The following USP9X variants were observed in gnomAD, a reference collection of about 807,000 sequenced individuals.
USP9X encodes ubiquitin specific peptidase 9 X-linked.
A neutral mutation model predicts 190.3 loss-of-function variants in USP9X; 7 were observed. The ratio of observed to expected loss-of-function variants is 0.04; its 90% confidence interval spans 0.02 to 0.07. The LOEUF (loss-of-function observed/expected upper bound fraction) is 0.07. Among genes scored for constraint, USP9X ranks in the 10% least tolerant of loss-of-function variants. USP9X has a pLI of 1.00. For missense variants in USP9X, 1,010 were observed against 1,916.9 expected, an observed-to-expected ratio of 0.53 and a Z score of 8.83; for synonymous variants, 645 against 659.5, an observed-to-expected ratio of 0.98 and a Z score of 0.34.
chrX:41,129,617 CCA>C (rs1402116386), intron 3 of USP9X, among the ~76,000 whole-genome samples: 1 of 111,679 alleles, frequency 9.0e-6, no homozygotes, highest in East Asian at 2.8e-4. Flanking sequence ...CCACCCTATC[CCA>C]CCCCACACAC....
chrX:41,168,007 G>A lies in USP9X; in HGVS notation c.2425G>A (p.Val809Met). Residue 809 changes from valine to methionine, a missense_variant and splice_region_variant, in exon 18 of 45, where the codon GTG becomes ATG. By Grantham distance (21) the Val-to-Met change is conservative. This residue lies in a region of USP9X where 104 missense variants were observed against 239.8 expected (regional missense o/e 0.43). Transcript: ENST00000378308. ...TGTTTATTTGGCCTGATATTTGTAGGTGGTGATCCATGAAGACTTCATTCA... is the reference window on the plus strand; with the variant it reads ...TGTTTATTTGGCCTGATATTTGTAGATGGTGATCCATGAAGACTTCATTCA... ...NLGPRLQVNQ[V>M]VIHEDFIQSC... is the part of the protein sequence containing the mutation. 1 of 1,198,043 alleles carries A rather than the reference G, an allele frequency of 8.3e-7. No homozygotes were observed. Among genetic ancestry groups the A allele is most frequent in the Non-Finnish European group, 1.1e-6 (1 of 888,073 alleles).
intron 30 of USP9X, among the ~76,000 whole-genome samples, chrX:41,199,617 T>G (rs767426066): frequency 3.6e-5 from 4 of 110,877 alleles, no homozygotes; most frequent in Admixed American, 9.6e-5. Context: ...TTAGTAGAGA[T>G]AGGGTTTCAC....
chrX:41,189,257 AT>A, intron 25 of USP9X, 51 bp from the exon 26 acceptor site: 1 of 1,160,077 alleles, frequency 8.6e-7, no homozygotes, highest in South Asian at 2.0e-5. Flanking sequence ...GTTGTGTGAG[AT>A]TTTTCTTAAA....
chrX:41,095,513 G>C (rs1436660069), intron 1 of USP9X, among the ~76,000 whole-genome samples: 1 of 112,125 alleles, frequency 8.9e-6, no homozygotes, highest in Non-Finnish European at 1.9e-5. Flanking sequence ...TGTGCCCTGG[G>C]GGCAAAATTG....
In USP9X at chrX:41,197,349, C is replaced by A; in HGVS notation, c.4234-15C>A. Reference sequence around the variant, plus strand: ...GATTTCTTCCCCCCCCCACCCCACCCCCCGCCTTTGGCAGGATGATGTTAA... The same window carrying A: ...GATTTCTTCCCCCCCCCACCCCACCACCCGCCTTTGGCAGGATGATGTTAA... On this transcript the variant is annotated splice_polypyrimidine_tract_variant and intron_variant, in intron 28 of 44. Transcript: ENST00000378308. The A allele has an allele frequency of 1.1e-6, 1 of 900,194 alleles. No individual in the cohort carries two copies. Among genetic ancestry groups the A allele is most frequent in the Non-Finnish European group, 1.4e-6 (1 of 699,189 alleles). 74.2% of individuals were successfully genotyped at this position (900,194 alleles called of 1,213,427 possible).
rs2062857541 is a variant in USP9X at position 41,184,649 on chromosome X, G to A, written c.3532G>A (p.Val1178Ile). ...RAVAEACQPG[V>I]EGVNPMTQIN... ...TGTGGCAGAAGCTTGTCAGCCAGGT[G>A]TAGAAGGTGTGAATCCCATGACACA... Residue 1178 changes from valine to isoleucine, a missense_variant, in exon 23 of 45, where the codon GTA becomes ATA. By Grantham distance (29) the Val-to-Ile change is conservative. Transcript: ENST00000378308. 6 of 1,211,492 alleles carry A rather than the reference G, an allele frequency of 5.0e-6. No homozygotes were observed. Among genetic ancestry groups the A allele is most frequent in the South Asian group, 1.8e-5 (1 of 56,933 alleles).
chrX:41,159,367 C>T (rs1036580435), intron 14 of USP9X, among the ~76,000 whole-genome samples: 9 of 111,310 alleles, frequency 8.1e-5, no homozygotes, highest in African/African-American at 2.9e-4. Flanking sequence ...TGGCACCCAC[C>T]TTGCAAAATA....
chrX:41,171,983 A>G (rs1418329962), intron 21 of USP9X, 25 bp downstream of exon 21: 11 of 1,207,514 alleles, frequency 9.1e-6, no homozygotes, highest in Non-Finnish European at 1.2e-5. Context: ...ATGATGATCA[A>G]GTACTTGCTG....
chrX:41,089,863 T>G (rs1433143934), intron 1 of USP9X, among the ~76,000 whole-genome samples: 3 of 104,043 alleles, frequency 2.9e-5, no homozygotes, highest in South Asian at 4.4e-4. Flanking sequence ...GGTGGGGGCA[T>G]GGCAGCAGGG....
intron 30 of USP9X, among the ~76,000 whole-genome samples, chrX:41,199,896 G>A (rs1214336168): frequency 9.0e-6 from 1 of 111,479 alleles, no homozygotes; most frequent in Admixed American, 9.6e-5. Flanking sequence ...CACACCAGGC[G>A]CATGAATAGG....
intron 41 of USP9X, among the ~76,000 whole-genome samples, chrX:41,228,719 G>A (rs1004686914): frequency 1.1e-4 from 12 of 105,364 alleles, no homozygotes; most frequent in African/African-American, 4.3e-4. Flanking sequence ...ATTTTGGACT[G>A]GTAATAAGTT....
intron 26 of USP9X, among the ~76,000 whole-genome samples, chrX:41,191,517 G>T (rs773795323): frequency 9.0e-6 from 1 of 111,194 alleles, no homozygotes; most frequent in Non-Finnish European, 1.9e-5. Context: ...AGTAGACTTT[G>T]CTGATGGAGA....
intron 1 of USP9X, among the ~76,000 whole-genome samples, chrX:41,094,184 C>T (rs5963918): frequency 1.2e-4 from 12 of 100,100 alleles, no homozygotes; most frequent in South Asian, 4.6e-4. Context: ...TTTCTTTTTT[C>T]TTTTTTTTTG....
intron 30 of USP9X, among the ~76,000 whole-genome samples, chrX:41,199,704 C>G (rs760186184): frequency 8.9e-6 from 1 of 112,079 alleles, no homozygotes; most frequent in African/African-American, 3.2e-5. Flanking sequence ...GCTGGAATTA[C>G]AGGTGTGAGC....
chrX:41,215,439 C>T (rs2063203086), intron 34 of USP9X, among the ~76,000 whole-genome samples: 1 of 112,737 alleles, frequency 8.9e-6, no homozygotes, highest in African/African-American at 3.2e-5. Context: ...AGGCAAGTTA[C>T]TTGACCTCTC....
chrX:41,095,868 C>T (rs1385364139), intron 1 of USP9X, among the ~76,000 whole-genome samples: 2 of 111,330 alleles, frequency 1.8e-5, no homozygotes, highest in Admixed American at 9.5e-5. Flanking sequence ...GTATTTTAAC[C>T]GTTCTTCTGA....
intron 2 of USP9X, among the ~76,000 whole-genome samples, chrX:41,125,675 C>CACAT (rs1769991724): frequency 1.7e-5 from 1 of 59,897 alleles, no homozygotes; most frequent in African/African-American, 5.9e-5. Context: ...CACACACACA[C>CACAT]ACACACACAC....
At chrX:41,227,186 A>G (rs2063321334) in intron 41 of USP9X, among the ~76,000 whole-genome samples, 1 of 112,270 alleles carries the variant, frequency 8.9e-6, no homozygotes, top group African/African-American at 3.2e-5. Flanking sequence ...ACAATGTTCA[A>G]ATATTTATAG....
intron 1 of USP9X, among the ~76,000 whole-genome samples, chrX:41,100,754 C>T (rs753969112): frequency 6.3e-5 from 7 of 111,095 alleles, no homozygotes; most frequent in Non-Finnish European, 1.3e-4. Flanking sequence ...TCAAGCAATT[C>T]TCCTACCTCA....
Sources: gnomAD v4.1 joint callset for allele counts (sites outside exome capture counted in the v4.1 genomes callset) on GRCh38, gnomAD v4.1.1 for gene constraint, gnomAD v4.1.1 regional missense constraint, MANE v1.5 for transcripts, NCBI Gene and HGNC (gene_info 2026-07-23, HGNC 2026-07-21) for gene names.